Variants in MSRA observed in about 807,000 individuals in gnomAD.
MSRA encodes the protein mitochondrial peptide methionine sulfoxide reductase.
MSRA carries 54 observed loss-of-function variants against 31.3 expected under a neutral mutation model. That is an observed-to-expected ratio of 1.73 (90% CI 1.39 to 2.17). MSRA has a LOEUF of 2.17. Among genes scored for constraint, MSRA ranks in the 30% most tolerant of loss-of-function variants. The pLI, the probability that MSRA is intolerant of heterozygous loss-of-function variation, is 0.00. For missense variants in MSRA, 507 were observed against 300.9 expected, an observed-to-expected ratio of 1.69 and a Z score of -5.07; for synonymous variants, 169 against 116.5, an observed-to-expected ratio of 1.45 and a Z score of -2.90.
chr8:10,321,561 G>A (rs972815820), intron 5 of MSRA, among the ~76,000 whole-genome samples: 8 of 152,174 alleles, frequency 5.3e-5, no homozygotes, highest in African/African-American at 1.7e-4. Context: ...CTGCCCATAT[G>A]TAATTCATCT....
chr8:10,192,117 A>G (rs1369700427), intron 1 of MSRA, among the ~76,000 whole-genome samples: 1 of 152,194 alleles, frequency 6.6e-6, no homozygotes, highest in East Asian at 1.9e-4. Context: ...ACAGCAAGCC[A>G]TCTAAGGAGA....
intron 3 of MSRA, chr8:10,250,692 G>C (rs1319514452): frequency 5.4e-6 from 3 of 550,814 alleles, no homozygotes; most frequent in African/African-American, 1.9e-5. Context: ...TGACCCTCTG[G>C]GGGTGGTGAT....
intron 3 of MSRA, 25 bp from the exon 4 acceptor site, chr8:10,301,509 G>A (rs369871555): frequency 1.5e-5 from 23 of 1,576,732 alleles, no homozygotes; most frequent in Non-Finnish European, 1.9e-5. Flanking sequence ...AGTAAATTTC[G>A]GTTGTACGTT....
chr8:10,255,015 A>G (rs1798103171), intron 3 of MSRA, among the ~76,000 whole-genome samples: 1 of 152,170 alleles, frequency 6.6e-6, no homozygotes, highest in African/African-American at 2.4e-5. Flanking sequence ...TCAGGCAAAA[A>G]TTTTGCACAG....
chr8:10,102,617 C>T (rs939765956), intron 1 of MSRA, among the ~76,000 whole-genome samples: 7 of 152,178 alleles, frequency 4.6e-5, no homozygotes, highest in Admixed American at 2.6e-4. Context: ...TGTGTTTTCT[C>T]ATTTAAATTG....
chr8:10,055,916 C>T (rs1802336650), intron 1 of MSRA, among the ~76,000 whole-genome samples: 1 of 152,096 alleles, frequency 6.6e-6, no homozygotes, highest in Non-Finnish European at 1.5e-5. Context: ...CATCATTTCA[C>T]CTGCTACTCA....
At chr8:10,367,270 G>T (rs555773085) in intron 5 of MSRA, among the ~76,000 whole-genome samples, 37 of 152,256 alleles carry the variant, frequency 2.4e-4, no homozygotes, top group African/African-American at 7.9e-4. Context: ...TTTTGAGACA[G>T]AAAGAGAGAC....
At chr8:10,115,494 C>A (rs1800611284) in intron 1 of MSRA, among the ~76,000 whole-genome samples, 1 of 152,206 alleles carries the variant, frequency 6.6e-6, no homozygotes, top group African/African-American at 2.4e-5. Context: ...GACTTCTGGC[C>A]TCCAGAACTA....
chr8:10,063,182 A>C (rs937526500), intron 1 of MSRA, among the ~76,000 whole-genome samples: 6 of 152,142 alleles, frequency 3.9e-5, no homozygotes, highest in African/African-American at 1.4e-4. Context: ...CAAATCCCAG[A>C]AGCCGCAGTC....
chr8:10,335,055 G>A (rs529184196), intron 5 of MSRA, among the ~76,000 whole-genome samples: 1 of 152,286 alleles, frequency 6.6e-6, no homozygotes, highest in East Asian at 1.9e-4. Flanking sequence ...GTAGAGGCCT[G>A]GGCATGGTGC....
At chr8:10,416,140 C>T (rs985326505) in intron 5 of MSRA, among the ~76,000 whole-genome samples, 4 of 152,128 alleles carry the variant, frequency 2.6e-5, no homozygotes, top group African/African-American at 7.2e-5. Flanking sequence ...ACTGCAGACA[C>T]GTCGTGGGAA....
At chr8:10,114,585 C>G (rs1177734211) in intron 1 of MSRA, among the ~76,000 whole-genome samples, 1 of 152,120 alleles carries the variant, frequency 6.6e-6, no homozygotes, top group Admixed American at 6.5e-5. Context: ...ATTGAAGATG[C>G]ACTTAGATTG....
chr8:10,250,415 GC>G (rs768495667), intron 3 of MSRA: 13 of 702,200 alleles, frequency 1.9e-5, no homozygotes, highest in African/African-American at 1.4e-4. Flanking sequence ...TTCATATTTT[GC>G]TTACAGATGT....
chr8:10,333,891 CTG>C (rs1461122853), intron 5 of MSRA, among the ~76,000 whole-genome samples: 3 of 152,142 alleles, frequency 2.0e-5, no homozygotes, highest in East Asian at 1.9e-4. Flanking sequence ...GGCAGGCACT[CTG>C]TGAATGTCAG....
Position 10,225,198 on chromosome 8 carries a change from A to C in MSRA, c.211+17297A>C, listed in dbSNP as rs189602326. ...ACCCAACCTGTGTTGAGGCCTTGTC[A>C]TCTCATCCCTTACTCTAACCACTGC... On this transcript the variant is annotated intron_variant, in intron 2 of 5. Coordinates refer to ENST00000317173, the MANE Select transcript of MSRA (RefSeq NM_012331.5). 2.0e-5 allele frequency among the ~76,000 whole-genome samples: 3 copies of C among 152,300 alleles called. No individual in the cohort carries two copies. In the East Asian group the frequency reaches 5.8e-4, roughly 29 times the overall value.
At chr8:10,092,396 C>T (rs576506640) in intron 1 of MSRA, among the ~76,000 whole-genome samples, 42 of 152,212 alleles carry the variant, frequency 2.8e-4, no homozygotes, top group Middle Eastern at 3.4e-3. Context: ...CGGTGGCTCA[C>T]GCCTGTAATC....
At position 10,428,160 on chromosome 8, in the gene MSRA, C is replaced by G. The variant is rs748735992; in HGVS notation, c.556C>G (p.His186Asp). 6.2e-7 allele frequency: 1 copy of G among 1,612,684 alleles called. No individual in the cohort carries two copies. The highest frequency in any genetic ancestry group is 8.5e-7 in the Non-Finnish European group (1 of 1,179,664). ...KENYQKVLSEHGFGPITTDIR... is the reference protein window; with the variant it reads ...KENYQKVLSEDGFGPITTDIR... ...TGTGTCCCCACAGGTTCTTTCAGAG[C>G]ACGGCTTCGGCCCCATCACTACCGA... The change falls in exon 6 of 6, where the codon CAC becomes GAC. Residue 186 changes from histidine (H) to aspartate (D), a missense_variant. Transcript: ENST00000317173.
chr8:10,081,196 G>A (rs10097035), intron 1 of MSRA, among the ~76,000 whole-genome samples: 4,140 of 152,280 alleles, frequency 0.027, 166 homozygotes, highest in South Asian at 0.096. Context: ...AGAACTAGGC[G>A]GATGGGGCAG....
Position 10,412,601 on chromosome 8 carries a change from C to T in MSRA, c.544-15547C>T, listed in dbSNP as rs1001606822. 3.9e-5 allele frequency among the ~76,000 whole-genome samples: 6 copies of T among 152,154 alleles called. No homozygotes were observed. In the East Asian group the frequency reaches 1.2e-3, roughly 29 times the overall value. On this transcript the variant is annotated intron_variant, in intron 5 of 5. Transcript: ENST00000317173. The stretch of plus-strand genomic sequence containing the variant: ...AGAGAACCCTCAAAATTCAACAATA[C>T]AAGCAAATCACCTGATTAAAAAATG...
Sources: allele counts gnomAD v4.1 joint callset (sites outside exome capture counted in the v4.1 genomes callset), GRCh38; gene constraint gnomAD v4.1.1; transcripts MANE v1.5; gene names NCBI Gene and HGNC (gene_info 2026-07-23, HGNC 2026-07-21).